The following ARSG variants were observed in gnomAD, a reference collection of about 807,000 sequenced individuals.
ARSG encodes the protein ASG.
In ARSG, 37 loss-of-function variants were observed where a neutral mutation model predicts 50.5. The observed-to-expected ratio is 0.73, with a 90% CI of 0.56 to 0.96. The LOEUF (loss-of-function observed/expected upper bound fraction) is 0.96. Among genes scored for constraint, ARSG ranks in the 50% least tolerant of loss-of-function variants. The probability of loss-of-function intolerance (pLI) is 0.00; values close to 1 mark genes in which losing one functional copy is unlikely to be tolerated. For synonymous variants in ARSG, 225 were observed against 254.6 expected, an observed-to-expected ratio of 0.88 and a Z score of 1.11; for missense variants, 629 against 675.3, an observed-to-expected ratio of 0.93 and a Z score of 0.76.
chr17:68,261,680 G>A (rs1354984232), intron 1 of ARSG, among the ~76,000 whole-genome samples: 40 of 152,138 alleles, frequency 2.6e-4, no homozygotes, highest in Non-Finnish European at 2.9e-5. Flanking sequence ...AAAGTAAATG[G>A]ATAGAAACAA....
chr17:68,426,251 G>GGGGGGGGGGGGGA, downstream of ARSG: 2 of 825,460 alleles, frequency 2.4e-6, 1 homozygote, highest in Admixed American at 4.7e-5. Flanking sequence ...GTGGGGAGCG[G>GGGGGGGGGGGGGA]GGGCTCAAAT....
chr17:68,347,167 T>C lies in ARSG; in HGVS notation c.449T>C (p.Phe150Ser). ...LGHHGSYHPN[F>S]RGFDYYFGIP... Reference sequence around the variant, plus strand: ...CACCACGGCTCTTATCACCCCAACTTCCGTGGTAAGAATTCTTTTGGGGAT... The same window carrying C: ...CACCACGGCTCTTATCACCCCAACTCCCGTGGTAAGAATTCTTTTGGGGAT... Residue 150 changes from phenylalanine (F) to serine (S), a missense_variant, in exon 4 of 12, where the codon TTC becomes TCC. Coordinates refer to ENST00000621439, the MANE Select transcript of ARSG (RefSeq NM_001267727.2). The C allele has an allele frequency of 6.2e-7, 1 of 1,613,888 alleles. No homozygotes were observed. The highest frequency in any genetic ancestry group is 8.5e-7 in the Non-Finnish European group (1 of 1,179,854).
At chr17:68,331,245 CTTTCTTTCTTTCTTTCTTTT>C (rs2077750719) in intron 2 of ARSG, among the ~76,000 whole-genome samples, 1 of 92,510 alleles carries the variant, frequency 1.1e-5, no homozygotes, top group Admixed American at 1.1e-4. Flanking sequence ...TTCTTTCTTT[CTTTCTTTCTTTCTTTCTTTT>C]TTTGAGACAG....
chr17:68,341,019 C>T (rs2078243974), intron 2 of ARSG, among the ~76,000 whole-genome samples: 2 of 152,156 alleles, frequency 1.3e-5, no homozygotes, highest in Admixed American at 6.6e-5. Flanking sequence ...TTGCTTTACT[C>T]TACCATATCA....
chr17:68,402,746 T>G (rs886897484), intron 11 of ARSG, among the ~76,000 whole-genome samples: 5 of 152,072 alleles, frequency 3.3e-5, no homozygotes, highest in Non-Finnish European at 1.5e-5. Flanking sequence ...AGGATGGTCT[T>G]GATCTCCTGA....
In ARSG at chr17:68,378,507, G is replaced by A. The variant is rs1359644403; in HGVS notation, c.983-6557G>A. Among the ~76,000 whole-genome samples the A allele has an allele frequency of 6.6e-6, 1 of 152,206 alleles. No individual in the cohort carries two copies. Among genetic ancestry groups the A allele is most frequent in the Non-Finnish European group, 1.5e-5 (1 of 68,032 alleles). The stretch of plus-strand genomic sequence containing the variant: ...TCCACTTGGCTTGTGCCCTGCAGGG[G>A]TGAGGAGAAACGGAACTGGGGCGGG... On this transcript the variant is annotated intron_variant, in intron 8 of 11. Transcript: ENST00000621439. The surrounding 1 kb of genome is among the most constrained non-coding windows in gnomAD (Gnocchi z 4.4).
chr17:68,422,407 C>T (rs12947036), downstream of ARSG: 32,240 of 140,052 alleles, frequency 0.23, 3,707 homozygotes, highest in Middle Eastern at 0.39. Context: ...CCAGCCTGGG[C>T]GATGGAGCAA....
chr17:68,389,268 G>T (rs1011196706), intron 9 of ARSG, among the ~76,000 whole-genome samples: 1 of 152,180 alleles, frequency 6.6e-6, no homozygotes, highest in Non-Finnish European at 1.5e-5. Flanking sequence ...TACTCTGTAA[G>T]AAGCGCTTGG....
At chr17:68,356,047 A>G (rs1389061586) in intron 5 of ARSG, among the ~76,000 whole-genome samples, 1 of 151,842 alleles carries the variant, frequency 6.6e-6, no homozygotes, top group East Asian at 1.9e-4. Flanking sequence ...ATGCCCAGCT[A>G]ATTTTTGTAT....
At chr17:68,314,117 C>T (rs1004813684) in intron 2 of ARSG, among the ~76,000 whole-genome samples, 1 of 152,182 alleles carries the variant, frequency 6.6e-6, no homozygotes, top group Non-Finnish European at 1.5e-5. Flanking sequence ...CCAGCTCTGC[C>T]ACTTCCTATC....
At chr17:68,413,276 TG>T (rs1375262457) in intron 11 of ARSG, among the ~76,000 whole-genome samples, 1 of 151,918 alleles carries the variant, frequency 6.6e-6, no homozygotes, top group African/African-American at 2.4e-5. Flanking sequence ...TCTTTGATGA[TG>T]GTGATGTACA....
Position 68,335,292 on chromosome 17 carries a change from G to A in ARSG, c.219-8312G>A, listed in dbSNP as rs9910980. Among the ~76,000 whole-genome samples the A allele has an allele frequency of 4.1e-3, 617 of 152,234 alleles. 6 individuals carry two copies. The highest frequency in any genetic ancestry group is 0.013 in the African/African-American group (554 of 41,564). ...GAGATATGTCGGCCAGGTGGCTCAT[G>A]CCTGTAATCCCAGCACTTTGGGAGG... On this transcript the variant is annotated intron_variant, in intron 2 of 11. Transcript: ENST00000621439.
At chr17:68,278,383 T>C in intron 1 of ARSG, 8 of 1,102,346 alleles carry the variant, frequency 7.3e-6, no homozygotes, top group Non-Finnish European at 1.1e-5. Context: ...GATCGATGAT[T>C]CTCATACTCT....
In ARSG at chr17:68,392,452, A is replaced by G. The variant is rs140893265; in HGVS notation, c.1092-2621A>G. On this transcript the variant is annotated intron_variant, in intron 9 of 11. Coordinates refer to ENST00000621439, the MANE Select transcript of ARSG (RefSeq NM_001267727.2). ...AAGTGTGTGTTGTTCTCTCTTTTAT[A>G]TTTCCGGATGCTCTCATTTTTTCAA... 9.0e-3 allele frequency among the ~76,000 whole-genome samples: 1,367 copies of G among 152,154 alleles called. 23 individuals carry two copies. Among genetic ancestry groups the G allele is most frequent in the African/African-American group, 0.031 (1,292 of 41,522 alleles).
intron 1 of ARSG, among the ~76,000 whole-genome samples, chr17:68,283,546 C>G (rs1373754379): frequency 2.7e-5 from 4 of 149,274 alleles, no homozygotes; most frequent in Non-Finnish European, 5.9e-5. Context: ...AGGCTGGGCA[C>G]GGCGGCTCAC....
At chr17:68,449,159 C>T in the ARSG span, among the ~76,000 whole-genome samples, 1 of 152,152 alleles carries the variant, frequency 6.6e-6, no homozygotes, top group Admixed American at 6.5e-5. Context: ...ATGCAGCAAC[C>T]GCTCTGGGAA....
chr17:68,388,169 C>T (rs901978090), intron 9 of ARSG, among the ~76,000 whole-genome samples: 4 of 152,180 alleles, frequency 2.6e-5, no homozygotes, highest in Non-Finnish European at 4.4e-5. Flanking sequence ...GGCTACCTTA[C>T]CTTCAGGAGG....
chr17:68,404,450 TG>T (rs2081617657), intron 11 of ARSG, among the ~76,000 whole-genome samples: 1 of 152,252 alleles, frequency 6.6e-6, no homozygotes, highest in Non-Finnish European at 1.5e-5. Flanking sequence ...ACCCTTTTAA[TG>T]GTGTGAATTC....
At chr17:68,307,856 C>T in intron 2 of ARSG, 145 bp downstream of exon 2, 1 of 604,030 alleles carries the variant, frequency 1.7e-6, no homozygotes, top group South Asian at 2.2e-5. Context: ...GGTTTGAAGC[C>T]AGCATAGCAT....
Sources: gnomAD v4.1 joint callset for allele counts (sites outside exome capture counted in the v4.1 genomes callset) on GRCh38, gnomAD v4.1.1 for gene constraint, Gnocchi (gnomAD v3.1) non-coding constraint, MANE v1.5 for transcripts, NCBI Gene and HGNC (gene_info 2026-07-23, HGNC 2026-07-21) for gene names.